STOX1: variants seen among roughly 807,000 people sequenced by gnomAD.
STOX1 encodes the protein storkhead box 1.
In STOX1, 57 loss-of-function variants were observed where a neutral mutation model predicts 74.8. The ratio of observed to expected loss-of-function variants is 0.76; its 90% CI spans 0.62 to 0.95. The LOEUF (loss-of-function observed/expected upper bound fraction) is 0.95, where lower values mean the gene tolerates loss of function less well. STOX1 is among the 40% of genes least tolerant of loss of function. STOX1 has a pLI of 0.00. For synonymous variants in STOX1, 375 were observed against 401.3 expected, an observed-to-expected ratio of 0.93 and a Z score of 0.78; for missense variants, 1,010 against 1,117.0, an observed-to-expected ratio of 0.90 and a Z score of 1.37.
chr10:68,860,793 CCT>C (rs1262856346), intron 1 of STOX1, among the ~76,000 whole-genome samples: 1 of 151,940 alleles, frequency 6.6e-6, no homozygotes, highest in Non-Finnish European at 1.5e-5. Context: ...CTGAGGTATG[CCT>C]CTCAGAAATG....
At chr10:68,841,010 C>T (rs1272451120) in intron 1 of STOX1, among the ~76,000 whole-genome samples, 6 of 150,456 alleles carry the variant, frequency 4.0e-5, no homozygotes, top group Non-Finnish European at 7.4e-5. Context: ...TGCAGTGGTG[C>T]GATCCTGGCT....
Position 68,827,744 on chromosome 10 carries a change from C to T in STOX1, c.121C>T (p.Arg41Cys). ...TGGGCGCGCGGTGTTCCGCGCTTTC[C>T]GTCGCGCCAACGCGCGCTGCTTCTG... ...PGGRAVFRAF[R>C]RANARCFWNA... The change falls in exon 1 of 4, where the codon CGT (arginine) becomes TGT (cysteine). Residue 41 changes from arginine (R) to cysteine (C), a missense_variant. Transcript: ENST00000298596. 3 of 803,588 alleles carry T rather than the reference C, an allele frequency of 3.7e-6. No individual in the cohort carries two copies. Among genetic ancestry groups the T allele is most frequent in the Non-Finnish European group, 4.5e-6 (3 of 663,064 alleles). 49.8% of individuals were successfully genotyped at this position (803,588 alleles called of 1,614,324 possible).
In STOX1 at chr10:68,885,929, A is replaced by C. The variant is rs1352667889; in HGVS notation, c.2133A>C (p.Glu711Asp). 9.3e-6 allele frequency: 15 copies of C among 1,614,230 alleles called. No homozygotes were observed. The highest frequency in any genetic ancestry group is 1.3e-5 in the Non-Finnish European group (15 of 1,180,034). The change falls in exon 3 of 4, where the codon GAA becomes GAC. Residue 711 changes from glutamate to aspartate, a missense_variant. Physicochemically the swap from Glu to Asp is conservative, Grantham distance 45 (BLOSUM62 2). Coordinates refer to ENST00000298596, the MANE Select transcript of STOX1 (RefSeq NM_152709.5). Reference sequence around the variant, plus strand: ...CAGAGACTACAAGCCTAGAAAATGAACAGCTTTCTAACGATGACCAGGCCT... The same window carrying C: ...CAGAGACTACAAGCCTAGAAAATGACCAGCTTTCTAACGATGACCAGGCCT... ...QDAETTSLENEQLSNDDQALY... is the reference protein window; with the variant it reads ...QDAETTSLENDQLSNDDQALY...
intron 1 of STOX1, among the ~76,000 whole-genome samples, chr10:68,840,632 C>G (rs977471031): frequency 2.0e-5 from 3 of 152,146 alleles, no homozygotes; most frequent in Non-Finnish European, 4.4e-5. Context: ...GTGATCTTGG[C>G]TCACTGCAAC....
At chr10:68,828,365 A>C in intron 1 of STOX1, 1 of 953,974 alleles carries the variant, frequency 1.0e-6, no homozygotes, top group Non-Finnish European at 1.3e-6. Flanking sequence ...CTTCTGCCAC[A>C]GAGGCTAGGC....
chr10:68,844,416 A>C (rs925217574), intron 1 of STOX1, among the ~76,000 whole-genome samples: 1 of 148,760 alleles, frequency 6.7e-6, no homozygotes, highest in African/African-American at 2.5e-5. Context: ...CTCCTGGCTC[A>C]GCCTCCTGAG....
intron 1 of STOX1, among the ~76,000 whole-genome samples, chr10:68,864,435 G>A (rs1840351646): frequency 1.3e-5 from 2 of 152,170 alleles, no homozygotes; most frequent in Non-Finnish European, 2.9e-5. Flanking sequence ...TACCCACAAA[G>A]TCAGATAAAT....
chr10:68,847,448 T>C (rs531431003), intron 1 of STOX1, among the ~76,000 whole-genome samples: 965 of 147,730 alleles, frequency 6.5e-3, no homozygotes, highest in African/African-American at 0.023. Context: ...ATCACTGTGT[T>C]GCCCAGGCTG....
In STOX1 at chr10:68,827,679, T is replaced by C; in HGVS notation, c.56T>C (p.Leu19Pro). Residue 19 changes from leucine to proline, a missense_variant, in exon 1 of 4, where the codon CTG (leucine) becomes CCG (proline). Transcript: ENST00000298596. ...TCGCTGGCGCTAGTGCTGTGCCGGCTGGAGGCGCAGAAGGCGGCGGGGGCC... is the reference window on the plus strand; with the variant it reads ...TCGCTGGCGCTAGTGCTGTGCCGGCCGGAGGCGCAGAAGGCGGCGGGGGCC... ...PGSLALVLCR[L>P]EAQKAAGAAE... 1 of 1,111,072 alleles carries C rather than the reference T, an allele frequency of 9.0e-7. No homozygotes were observed. Among genetic ancestry groups the C allele is most frequent in the Non-Finnish European group, 1.1e-6 (1 of 907,612 alleles). 68.8% of individuals were successfully genotyped at this position (1,111,072 alleles called of 1,614,324 possible).
At chr10:68,833,443 A>G (rs959415177) in intron 1 of STOX1, among the ~76,000 whole-genome samples, 2 of 151,664 alleles carry the variant, frequency 1.3e-5, no homozygotes, top group African/African-American at 4.8e-5. Context: ...CATCAGCAGG[A>G]CTCCTGTCTC....
Position 68,886,527 on chromosome 10 carries a change from G to A in STOX1, c.2731G>A (p.Val911Met). Residue 911 changes from valine (V) to methionine (M), a missense_variant, in exon 3 of 4, where the codon GTG (valine) becomes ATG (methionine). Transcript: ENST00000298596. ...FQLFNTSHMP[V>M]LAQDVQYEHS... ...ACTTTTCAACACTTCACATATGCCAGTGTTGGCTCAGGATGTCCAATATGA... is the reference window on the plus strand; with the variant it reads ...ACTTTTCAACACTTCACATATGCCAATGTTGGCTCAGGATGTCCAATATGA... 6.2e-7 allele frequency: 1 copy of A among 1,614,210 alleles called. No individual in the cohort carries two copies. Among genetic ancestry groups the A allele is most frequent in the Non-Finnish European group, 8.5e-7 (1 of 1,180,040 alleles).
intron 1 of STOX1, among the ~76,000 whole-genome samples, chr10:68,845,432 C>T (rs1443046222): frequency 2.0e-5 from 3 of 151,468 alleles, no homozygotes; most frequent in Non-Finnish European, 4.4e-5. Flanking sequence ...TGCCACCATG[C>T]CCGGCTAATT....
Position 68,892,679 on chromosome 10 carries a change from C to T in STOX1, c.2913C>T (p.Ser971=). ...TGCAAAATGTCGAAGGCACAAAGAGCAGTCAACCACTCACATCTAATTCCT... is the reference window on the plus strand; with the variant it reads ...TGCAAAATGTCGAAGGCACAAAGAGTAGTCAACCACTCACATCTAATTCCT... The part of the protein sequence containing the change: ...NFLQNVEGTK[S]SQPLTSNSLL... The change falls in exon 4 of 4, where the codon AGC becomes AGT. Residue 971 remains serine, a synonymous_variant. Transcript: ENST00000298596. The T allele has an allele frequency of 6.2e-7, 1 of 1,613,956 alleles. No homozygotes were observed. Among genetic ancestry groups the T allele is most frequent in the Non-Finnish European group, 8.5e-7 (1 of 1,179,910 alleles).
chr10:68,881,924 C>A (rs748996787), intron 1 of STOX1, 34 bp from the exon 2 acceptor site: 2 of 1,612,850 alleles, frequency 1.2e-6, no homozygotes, highest in Admixed American at 1.7e-5. Flanking sequence ...AATTTATCAA[C>A]CCCCTCCCCC....
At chr10:68,853,042 C>T (rs1840029082) in intron 1 of STOX1, among the ~76,000 whole-genome samples, 1 of 151,932 alleles carries the variant, frequency 6.6e-6, no homozygotes, top group South Asian at 2.1e-4. Context: ...CCTGCCTCAG[C>T]CTCCCGAGTA....
chr10:68,854,450 C>T (rs1372463098), intron 1 of STOX1, among the ~76,000 whole-genome samples: 1 of 152,008 alleles, frequency 6.6e-6, no homozygotes, highest in Admixed American at 6.6e-5. Context: ...GTGCATGCCA[C>T]CACGCCTGGC....
chr10:68,878,738 C>A (rs1056560435), intron 1 of STOX1, among the ~76,000 whole-genome samples: 2 of 152,210 alleles, frequency 1.3e-5, no homozygotes, highest in Non-Finnish European at 2.9e-5. Flanking sequence ...GGCCACTTAC[C>A]AGCTCTGGGC....
chr10:68,876,980 C>A (rs879329055), intron 1 of STOX1, among the ~76,000 whole-genome samples: 1 of 152,136 alleles, frequency 6.6e-6, no homozygotes, highest in African/African-American at 2.4e-5. Context: ...AAAATGATCC[C>A]CATGTCTGTC....
chr10:68,864,288 G>T (rs1840346555), intron 1 of STOX1, among the ~76,000 whole-genome samples: 1 of 152,184 alleles, frequency 6.6e-6, no homozygotes, highest in African/African-American at 2.4e-5. Flanking sequence ...TCCAGAATAA[G>T]AGGCTTTACC....
Sources: allele counts gnomAD v4.1 joint callset (sites outside exome capture counted in the v4.1 genomes callset), GRCh38; gene constraint gnomAD v4.1.1; transcripts MANE v1.5; gene names NCBI Gene and HGNC (gene_info 2026-07-23, HGNC 2026-07-21).